GCNT1: variants seen among roughly 807,000 people sequenced by gnomAD.
GCNT1 encodes glucosaminyl (N-acetyl) transferase 1.
In GCNT1, 16 loss-of-function variants were observed where a neutral mutation model predicts 26.2. That is an observed-to-expected ratio of 0.61 (90% CI 0.41 to 0.93). The LOEUF is 0.93. GCNT1 is among the 40% of genes least tolerant of loss of function. The probability of loss-of-function intolerance (pLI) is 0.00; values close to 1 mark genes in which losing one functional copy is unlikely to be tolerated. For missense variants in GCNT1, 477 were observed against 526.7 expected (o/e 0.91, Z 0.92); for synonymous variants, 183 against 190.8 (o/e 0.96, Z 0.34).
chr9:76,444,416 G>A (rs1823539901), intron 1 of GCNT1, among the ~76,000 whole-genome samples: 1 of 152,160 alleles, frequency 6.6e-6, no homozygotes, highest in African/African-American at 2.4e-5. Context: ...GAGGCCTGGG[G>A]GAAGAGGAGG....
At chr9:76,397,196 C>CCCA in the GCNT1 span, among the ~76,000 whole-genome samples, 1 of 152,066 alleles carries the variant, frequency 6.6e-6, no homozygotes, top group Non-Finnish European at 1.5e-5. Context: ...GCGGAAGAAT[C>CCCA]GCTTGAACCC....
At chr9:76,419,773 A>G (rs1823165507), upstream of GCNT1, 1 of 152,268 alleles carries the variant, frequency 6.6e-6, no homozygotes, top group Non-Finnish European at 1.5e-5. Flanking sequence ...GAATCCTGAC[A>G]TAAAATGTAC....
In GCNT1 at chr9:76,505,912, A is replaced by C. The variant is rs1825225780; in HGVS notation, c.*2244A>C. Reference sequence around the variant, plus strand: ...AGCGCCACATTATAACTGTAAACTTACCATCTTCTATGTAGCTGTGATATC... The same window carrying C: ...AGCGCCACATTATAACTGTAAACTTCCCATCTTCTATGTAGCTGTGATATC... On this transcript the variant is annotated 3_prime_UTR_variant, in exon 4 of 4. Transcript: ENST00000376730. 1 of 166,432 alleles carries C rather than the reference A, an allele frequency of 6.0e-6. No individual in the cohort carries two copies. The highest frequency in any genetic ancestry group is 6.5e-5 in the Admixed American group (1 of 15,288). The allele number at this position is 166,432 out of a possible 1,614,324, so 10.3% of individuals were successfully genotyped here.
intron 2 of GCNT1, among the ~76,000 whole-genome samples, chr9:76,494,456 G>T (rs1734167343): frequency 6.6e-6 from 1 of 152,156 alleles, no homozygotes. Context: ...GACACATTTT[G>T]TTCTCACTTC....
intron 2 of GCNT1, among the ~76,000 whole-genome samples, chr9:76,496,675 T>C (rs1260484970): frequency 6.6e-6 from 1 of 152,184 alleles, no homozygotes; most frequent in Non-Finnish European, 1.5e-5. Context: ...TAGCTTTCCT[T>C]CTTATTGACT....
At chr9:76,490,682 A>T (rs994694590) in intron 2 of GCNT1, among the ~76,000 whole-genome samples, 3 of 152,192 alleles carry the variant, frequency 2.0e-5, no homozygotes, top group Admixed American at 2.0e-4. Flanking sequence ...CTCCTTCCTG[A>T]TTCTGTAAGT....
At chr9:76,445,490 C>T (rs1369750705) in intron 1 of GCNT1, among the ~76,000 whole-genome samples, 3 of 151,956 alleles carry the variant, frequency 2.0e-5, no homozygotes, top group African/African-American at 4.8e-5. Context: ...TGGGCTCAAG[C>T]GATTCTTGTC....
the GCNT1 span, among the ~76,000 whole-genome samples, chr9:76,409,687 C>G: frequency 6.6e-6 from 1 of 152,130 alleles, no homozygotes; most frequent in African/African-American, 2.4e-5. Context: ...CTCAGGTGAT[C>G]CACCTGCCTC....
At chr9:76,435,829 T>G (rs571574777) in intron 1 of GCNT1, among the ~76,000 whole-genome samples, 1 of 152,164 alleles carries the variant, frequency 6.6e-6, no homozygotes, top group South Asian at 2.1e-4. Context: ...TAATCTTGAG[T>G]GGAAAAGAGT....
chr9:76,470,223 CT>C (rs1183611053), intron 2 of GCNT1, among the ~76,000 whole-genome samples: 3 of 152,042 alleles, frequency 2.0e-5, no homozygotes, highest in Non-Finnish European at 4.4e-5. Context: ...TGAAAACTTG[CT>C]TGCTGGTGAA....
At chr9:76,500,096 C>G (rs1055683216) in intron 2 of GCNT1, among the ~76,000 whole-genome samples, 8 of 152,050 alleles carry the variant, frequency 5.3e-5, no homozygotes, top group Non-Finnish European at 8.8e-5. Flanking sequence ...GTTCCACCCC[C>G]CTGTATGTGG....
At chr9:76,432,736 C>A (rs535627093) in intron 1 of GCNT1, among the ~76,000 whole-genome samples, 1 of 152,132 alleles carries the variant, frequency 6.6e-6, no homozygotes, top group Non-Finnish European at 1.5e-5. Flanking sequence ...CACCTTCAAG[C>A]CAAAGGCAGT....
At chr9:76,441,177 G>A (rs928224387), upstream of GCNT1, among the ~76,000 whole-genome samples, 2 of 151,872 alleles carry the variant, frequency 1.3e-5, no homozygotes, top group Admixed American at 1.3e-4. Context: ...ACGAAGTCTT[G>A]CTCTGTCACC....
chr9:76,489,746 C>T (rs1207651126), intron 2 of GCNT1, among the ~76,000 whole-genome samples: 1 of 152,124 alleles, frequency 6.6e-6, no homozygotes, highest in Non-Finnish European at 1.5e-5. Context: ...CCTCTCAATC[C>T]CCCCTCTAAA....
At chr9:76,413,044 A>G in the GCNT1 span, among the ~76,000 whole-genome samples, 2 of 152,160 alleles carry the variant, frequency 1.3e-5, no homozygotes, top group African/African-American at 4.8e-5. Flanking sequence ...CACGTCCCAA[A>G]TAGCTCCCTA....
upstream of GCNT1, among the ~76,000 whole-genome samples, chr9:76,418,167 T>C (rs745868195): frequency 2.8e-4 from 43 of 152,132 alleles, no homozygotes; most frequent in Non-Finnish European, 5.0e-4. Context: ...TTCCAGGTTA[T>C]AGGTACATTT....
intron 2 of GCNT1, among the ~76,000 whole-genome samples, chr9:76,496,326 TC>T (rs1324635675): frequency 6.6e-6 from 1 of 152,110 alleles, no homozygotes; most frequent in Non-Finnish European, 1.5e-5. Flanking sequence ...ATTCTCCGCA[TC>T]CCCCCTTCAG....
chr9:76,477,719 C>T (rs1193644149), intron 2 of GCNT1, among the ~76,000 whole-genome samples: 1 of 152,188 alleles, frequency 6.6e-6, no homozygotes, highest in African/African-American at 2.4e-5. Context: ...AGCCATCTCA[C>T]CCTAGCCATT....
chr9:76,398,637 A>G, the GCNT1 span: 7 of 932,322 alleles, frequency 7.5e-6, no homozygotes, highest in South Asian at 8.3e-5. Flanking sequence ...CGCGCTACCT[A>G]CAGAGGGGCC....
Sources: allele counts gnomAD v4.1 joint callset (sites outside exome capture counted in the v4.1 genomes callset), GRCh38; gene constraint gnomAD v4.1.1; transcripts MANE v1.5; gene names NCBI Gene and HGNC (gene_info 2026-07-23, HGNC 2026-07-21).